The following SEC23B variants were observed in gnomAD, a reference collection of about 807,000 sequenced individuals.
SEC23B encodes protein transport protein Sec23B.
A neutral mutation model predicts 104.3 loss-of-function variants in SEC23B; 77 were observed. The ratio of observed to expected loss-of-function variants is 0.74; its 90% confidence interval spans 0.61 to 0.89. SEC23B has a LOEUF of 0.89. Ranked by LOEUF, SEC23B falls within the 40% of genes least tolerant of loss-of-function variation. The probability of loss-of-function intolerance (pLI) is 0.00; values close to 1 mark genes in which losing one functional copy is unlikely to be tolerated. For missense variants in SEC23B, 885 were observed against 949.4 expected, an observed-to-expected ratio of 0.93 and a Z score of 0.89; for synonymous variants, 338 against 332.5, an observed-to-expected ratio of 1.02 and a Z score of -0.18.
At chr20:18,532,095 T>A (rs3818217) in intron 10 of SEC23B, among the ~76,000 whole-genome samples, 1 of 152,098 alleles carries the variant, frequency 6.6e-6, no homozygotes, top group Admixed American at 6.5e-5. Flanking sequence ...ACGATTGGAA[T>A]TATTACTTGG....
chr20:18,512,922 A>G (rs2059993885), intron 3 of SEC23B, among the ~76,000 whole-genome samples: 1 of 152,090 alleles, frequency 6.6e-6, no homozygotes, highest in Admixed American at 6.5e-5. Context: ...GCGGTGACTT[A>G]CGCCTATAAT....
At chr20:18,554,595 A>AG (rs2060418173) in intron 18 of SEC23B, among the ~76,000 whole-genome samples, 2 of 152,252 alleles carry the variant, frequency 1.3e-5, no homozygotes, top group South Asian at 4.1e-4. Flanking sequence ...TGGGAGGCCG[A>AG]GGCGGGCGGA....
At position 18,530,815 on chromosome 20, in the gene SEC23B, T is replaced by C. The variant is rs1388193190; in HGVS notation, c.1233+12T>C. 4.5e-6 allele frequency: 2 copies of C among 448,996 alleles called. No homozygotes were observed. Among genetic ancestry groups the C allele is most frequent in the South Asian group, 2.9e-5 (1 of 34,648 alleles). The allele number at this position is 448,996 out of a possible 1,614,324, so 27.8% of individuals were successfully genotyped here. On this transcript the variant is annotated intron_variant, in intron 10 of 19. Coordinates refer to ENST00000650089, the MANE Select transcript of SEC23B (RefSeq NM_006363.6). ...CTTTGGACGTAAAGGTACGGTAAAC[T>C]TTTTTTTTTTTTTATGTGGACTCAC...
Position 18,524,920 on chromosome 20 carries a change from T to C in SEC23B, c.604-15T>C. On this transcript the variant is annotated splice_polypyrimidine_tract_variant and intron_variant, in intron 5 of 19. Transcript: ENST00000650089. ...GTCATTGGAAATGAATCTTTTTGGCTTTTTTTTTTTTAAGGATATGTTGGG... is the reference window on the plus strand; with the variant it reads ...GTCATTGGAAATGAATCTTTTTGGCCTTTTTTTTTTTAAGGATATGTTGGG... 1 of 413,746 alleles carries C rather than the reference T, an allele frequency of 2.4e-6. No individual in the cohort carries two copies. The highest frequency in any genetic ancestry group is 3.7e-6 in the Non-Finnish European group (1 of 272,092). The allele number at this position is 413,746 out of a possible 1,614,324, so 25.6% of individuals were successfully genotyped here.
intron 12 of SEC23B, among the ~76,000 whole-genome samples, chr20:18,537,345 G>A (rs2060241452): frequency 6.6e-6 from 1 of 151,954 alleles, no homozygotes; most frequent in South Asian, 2.1e-4. Context: ...CAACCCAAAT[G>A]TCCAACAATG....
intron 4 of SEC23B, among the ~76,000 whole-genome samples, chr20:18,520,781 T>C (rs2060075944): frequency 2.0e-5 from 3 of 151,930 alleles, no homozygotes; most frequent in Admixed American, 2.0e-4. Context: ...ACGGACTTAC[T>C]CTCCACTGTA....
chr20:18,543,093 C>T lies in SEC23B; in HGVS notation c.1586C>T (p.Ala529Val). Residue 529 changes from alanine (A) to valine (V), a missense_variant, in exon 14 of 20, where the codon GCA (alanine) becomes GTA (valine). Ala to Val is a moderately conservative substitution (Grantham distance 64). Transcript: ENST00000650089. The part of the protein sequence containing the change: ...FDQEAAAVLM[A>V]RLGVFRAESE... ...CAGGAGGCTGCGGCAGTGTTGATGG[C>T]ACGGCTTGGGGTGTTCCGAGCGGAG... 1 of 1,614,154 alleles carries T rather than the reference C, an allele frequency of 6.2e-7. No homozygotes were observed. The highest frequency in any genetic ancestry group is 8.5e-7 in the Non-Finnish European group (1 of 1,180,036).
chr20:18,517,473 A>G (rs1415610685), intron 4 of SEC23B, among the ~76,000 whole-genome samples: 1 of 152,206 alleles, frequency 6.6e-6, no homozygotes, highest in East Asian at 1.9e-4. Context: ...GTGAATTTTC[A>G]GTTGCTTCAG....
intron 8 of SEC23B, 100 bp downstream of exon 8, chr20:18,526,631 C>T: frequency 8.3e-7 from 1 of 1,210,658 alleles, no homozygotes. Flanking sequence ...GTGTCATGGT[C>T]AGCAAGACGC....
chr20:18,515,657 C>T lies in SEC23B; in HGVS notation c.287C>T (p.Pro96Leu), dbSNP rs878913051. 7 of 1,604,202 alleles carry T rather than the reference C, an allele frequency of 4.4e-6. No individual in the cohort carries two copies. In the South Asian group the frequency reaches 6.6e-5, roughly 15 times the overall value. Residue 96 changes from proline to leucine, a missense_variant, in exon 4 of 20, where the codon CCA (proline) becomes CTA (leucine). Physicochemically the swap from Pro to Leu is moderately conservative, Grantham distance 98. Coordinates refer to ENST00000650089, the MANE Select transcript of SEC23B (RefSeq NM_006363.6). ...CTGTTTCCTTCTTTTCAGTTTCCTC[C>T]AGCTTATGGAGGCATATCTGAGGTG... ...NFCFQRNQFP[P>L]AYGGISEVNQ...
At chr20:18,550,350 T>C (rs2122157857) in intron 16 of SEC23B, among the ~76,000 whole-genome samples, 1 of 151,962 alleles carries the variant, frequency 6.6e-6, no homozygotes, top group Non-Finnish European at 1.5e-5. Flanking sequence ...AGAGATGGGG[T>C]TTTGCCATGT....
chr20:18,516,227 C>T (rs1399689990), intron 4 of SEC23B, among the ~76,000 whole-genome samples: 1 of 150,766 alleles, frequency 6.6e-6, no homozygotes, highest in Non-Finnish European at 1.5e-5. Context: ...CATTATTCTT[C>T]ACCCAGCAGC....
At chr20:18,560,034 T>C (rs2060477496) in intron 19 of SEC23B, among the ~76,000 whole-genome samples, 2 of 149,574 alleles carry the variant, frequency 1.3e-5, no homozygotes, top group Non-Finnish European at 3.0e-5. Flanking sequence ...AAATTTAAAT[T>C]ACCTAGAATC....
At position 18,543,106 on chromosome 20, in the gene SEC23B, G is replaced by A; in HGVS notation, c.1599G>A (p.Val533=). 6.2e-7 allele frequency: 1 copy of A among 1,614,188 alleles called. No individual in the cohort carries two copies. The highest frequency in any genetic ancestry group is 8.5e-7 in the Non-Finnish European group (1 of 1,180,036). Reference sequence around the variant, plus strand: ...CAGTGTTGATGGCACGGCTTGGGGTGTTCCGAGCGGAGTCAGAGGAGGGGC... The same window carrying A: ...CAGTGTTGATGGCACGGCTTGGGGTATTCCGAGCGGAGTCAGAGGAGGGGC... ...AAAVLMARLG[V]FRAESEEGPD... is the part of the protein sequence containing the mutation. Residue 533 remains valine, a synonymous_variant, in exon 14 of 20, where the codon GTG becomes GTA. Coordinates refer to ENST00000650089, the MANE Select transcript of SEC23B (RefSeq NM_006363.6).
In SEC23B at chr20:18,508,517, C is replaced by A. The variant is rs192879994; in HGVS notation, c.-15+545C>A. ...GATACTTTGGTAAAAGCTATGGACC[C>A]ATCTCCCTAGAAAAACGGCATATTC... On this transcript the variant is annotated intron_variant, in intron 1 of 19. Coordinates refer to ENST00000650089, the MANE Select transcript of SEC23B (RefSeq NM_006363.6). Among the ~76,000 whole-genome samples the A allele has an allele frequency of 5.3e-5, 8 of 152,240 alleles. No homozygotes were observed. In the East Asian group the frequency reaches 1.5e-3, roughly 29 times the overall value.
At chr20:18,546,607 A>G (rs564769740) in intron 15 of SEC23B, among the ~76,000 whole-genome samples, 2 of 152,348 alleles carry the variant, frequency 1.3e-5, no homozygotes, top group South Asian at 4.1e-4. Flanking sequence ...ATGGGTGTCT[A>G]TAAGGATTAC....
chr20:18,535,573 C>A, intron 11 of SEC23B, 80 bp from the exon 12 acceptor site: 1 of 1,044,856 alleles, frequency 9.6e-7, no homozygotes. Flanking sequence ...CTGCCCTACT[C>A]AGTCAGTACT....
At chr20:18,554,653 C>T (rs2060419039) in intron 18 of SEC23B, among the ~76,000 whole-genome samples, 1 of 151,948 alleles carries the variant, frequency 6.6e-6, no homozygotes, top group South Asian at 2.1e-4. Flanking sequence ...TGGTGAAACC[C>T]CGTCTCTACT....
chr20:18,559,900 G>A (rs2060476505), intron 19 of SEC23B, among the ~76,000 whole-genome samples: 1 of 152,114 alleles, frequency 6.6e-6, no homozygotes, highest in Non-Finnish European at 1.5e-5. Context: ...GAGGAATAGA[G>A]AAAAGTATAT....
Sources: allele counts gnomAD v4.1 joint callset (sites outside exome capture counted in the v4.1 genomes callset), GRCh38; gene constraint gnomAD v4.1.1; transcripts MANE v1.5; gene names NCBI Gene and HGNC (gene_info 2026-07-23, HGNC 2026-07-21).